The following ABCA9 variants were observed in gnomAD, a reference collection of about 807,000 sequenced individuals.
ABCA9 encodes ATP-binding cassette sub-family A member 9.
A neutral mutation model predicts 205.3 loss-of-function variants in ABCA9; 183 were observed. That is an observed-to-expected ratio of 0.89 (90% CI 0.79 to 1.01). ABCA9 has a LOEUF of 1.01. Ranked by LOEUF, ABCA9 falls within the 50% of genes least tolerant of loss-of-function variation. The pLI, the probability that ABCA9 is intolerant of heterozygous loss-of-function variation, is 0.00. For missense variants in ABCA9, 1,805 were observed against 1,912.4 expected, an observed-to-expected ratio of 0.94 and a Z score of 1.05; for synonymous variants, 651 against 683.3, an observed-to-expected ratio of 0.95 and a Z score of 0.74.
chr17:69,068,037 ATTTGT>A, the ABCA9 span, among the ~76,000 whole-genome samples: 37 of 152,190 alleles, frequency 2.4e-4, no homozygotes, highest in Non-Finnish European at 4.4e-4. Context: ...TTCTTTCTGT[ATTTGT>A]TTTAAGATGT....
intron 1 of ABCA9, among the ~76,000 whole-genome samples, chr17:69,055,564 T>C (rs907999131): frequency 6.6e-6 from 1 of 152,180 alleles, no homozygotes; most frequent in African/African-American, 2.4e-5. Context: ...CTCTTATAGT[T>C]GGAGACTTCA....
chr17:69,009,023 G>A (rs925563472), intron 23 of ABCA9, among the ~76,000 whole-genome samples: 1 of 152,202 alleles, frequency 6.6e-6, no homozygotes, highest in Admixed American at 6.5e-5. Context: ...GTAGGAAAGA[G>A]GATGATAGTG....
chr17:69,027,582 T>A, intron 13 of ABCA9, 58 bp downstream of exon 13: 1 of 1,583,138 alleles, frequency 6.3e-7, no homozygotes, highest in Admixed American at 1.9e-5. Flanking sequence ...TAGCACAATA[T>A]TTTCTAGATA....
At chr17:69,040,206 G>T (rs1316967672) in intron 6 of ABCA9, among the ~76,000 whole-genome samples, 2 of 152,146 alleles carry the variant, frequency 1.3e-5, no homozygotes, top group African/African-American at 4.8e-5. Context: ...CCATTACTGG[G>T]TATATACGCT....
intron 23 of ABCA9, among the ~76,000 whole-genome samples, chr17:69,010,335 C>CA (rs562552603): frequency 6.6e-6 from 1 of 151,810 alleles, no homozygotes; most frequent in Non-Finnish European, 1.5e-5. Context: ...ATCTGAATTA[C>CA]AAAAAAGCCA....
chr17:69,035,422 C>A lies in ABCA9; in HGVS notation c.952G>T (p.Ala318Ser). ...LLYGLSLITL[A>S]FLMSVLIKKP... is the part of the protein sequence containing the mutation. ...TTTATCAACACACTCATCAGGAAAG[C>A]TAAAGTTATCTGAGAAAAGAGAAAG... Residue 318 changes from alanine to serine, a missense_variant, in exon 8 of 39, where the codon GCT becomes TCT. By Grantham distance (99) the Ala-to-Ser change is moderately conservative. Transcript: ENST00000340001. The A allele has an allele frequency of 6.4e-7, 1 of 1,571,030 alleles. No homozygotes were observed.
intron 10 of ABCA9, 70 bp from the exon 11 acceptor site, chr17:69,029,297 G>T: frequency 1.0e-6 from 1 of 952,384 alleles, no homozygotes; most frequent in Non-Finnish European, 1.6e-6. Flanking sequence ...TCAAGTCTTT[G>T]AGGCTTAATC....
rs1269090975 is a variant in ABCA9, at chr17:68,989,086, C to A, written c.3988G>T (p.Ala1330Ser). ...EVIGLLGHNGAGKSTTIKMIT... is the reference protein window; with the variant it reads ...EVIGLLGHNGSGKSTTIKMIT... ...ATCTTAATAGTTGTACTTTTACCAG[C>A]TCCATTGTGTCCTAACAGTCCTATA... The change falls in exon 31 of 39, where the codon GCT becomes TCT. Residue 1330 changes from alanine to serine, a missense_variant. Ala to Ser is a moderately conservative substitution (Grantham distance 99). Transcript: ENST00000340001. 1 of 1,613,298 alleles carries A rather than the reference C, an allele frequency of 6.2e-7. No homozygotes were observed. The highest frequency in any genetic ancestry group is 1.1e-5 in the South Asian group (1 of 91,044).
At chr17:69,058,836 CAA>C (rs34009101) in intron 1 of ABCA9, among the ~76,000 whole-genome samples, 12 of 127,308 alleles carry the variant, frequency 9.4e-5, no homozygotes, top group African/African-American at 1.2e-4. Flanking sequence ...GAGACTGTCT[CAA>C]AAAAAAAAAA....
intron 19 of ABCA9, 63 bp from the exon 20 acceptor site, chr17:69,018,642 TG>T: frequency 8.0e-7 from 1 of 1,253,906 alleles, no homozygotes; most frequent in Non-Finnish European, 1.1e-6. Context: ...TTTTTAAGTT[TG>T]AAGGTATAAT....
rs2069188961 is a variant in ABCA9 at position 68,985,139 on chromosome 17, CAG to C, written c.4209-13_4209-12del. On this transcript the variant is annotated splice_polypyrimidine_tract_variant and intron_variant, in intron 32 of 38. Coordinates refer to ENST00000340001, the MANE Select transcript of ABCA9 (RefSeq NM_080283.4). ...AGCGCATCCACTAACCTGAAGAAAA[CAG>C]AGTCAATCCACATAATCCCAACACT... is the stretch of plus-strand genomic sequence containing the variant. 4 of 1,614,186 alleles carry C rather than the reference CAG, an allele frequency of 2.5e-6. No homozygotes were observed. The highest frequency in any genetic ancestry group is 2.2e-5 in the East Asian group (1 of 44,870).
Position 69,051,182 on chromosome 17 carries a change from A to G in ABCA9, c.-13-43T>C, listed in dbSNP as rs966185879. ...AAAAATGAAGTACATGTGAAGGTCT[A>G]AAGTAGAAAACATTGTGCAATCAAA... On this transcript the variant is annotated intron_variant, in intron 1 of 38. Coordinates refer to ENST00000340001, the MANE Select transcript of ABCA9 (RefSeq NM_080283.4). The G allele has an allele frequency of 7.1e-6, 11 of 1,554,698 alleles. No homozygotes were observed. The African/African-American group carries it at 1.1e-4, about 15-fold the overall frequency.
At chr17:69,046,673 A>C (rs1161441871) in intron 3 of ABCA9, among the ~76,000 whole-genome samples, 1 of 151,576 alleles carries the variant, frequency 6.6e-6, no homozygotes, top group East Asian at 1.9e-4. Context: ...TATTTTCCAT[A>C]ATAAGAACTC....
In ABCA9 at chr17:69,008,115, A is replaced by G. The variant is rs758819187; in HGVS notation, c.3268T>C (p.Tyr1090His). The stretch of plus-strand genomic sequence containing the variant: ...ATAATCTCCTCTGGGCTAAAAATAT[A>G]ATCCATTATTTGCATTAGCAGGAGG... ...LILLLMQIMD[Y>H]IFSPEEIIFI... is the part of the protein sequence containing the mutation. Residue 1090 changes from tyrosine to histidine, a missense_variant, in exon 24 of 39, where the codon TAT becomes CAT. By Grantham distance (83) the Tyr-to-His change is moderately conservative (BLOSUM62 2). Coordinates refer to ENST00000340001, the MANE Select transcript of ABCA9 (RefSeq NM_080283.4). 41 of 1,613,112 alleles carry G rather than the reference A, an allele frequency of 2.5e-5. 1 individual carries two copies. In the South Asian group the frequency reaches 4.4e-4, roughly 17 times the overall value.
Position 69,036,992 on chromosome 17 carries a change from A to T in ABCA9, c.801-1191T>A, listed in dbSNP as rs192172860. Among the ~76,000 whole-genome samples the T allele has an allele frequency of 2.4e-3, 362 of 152,028 alleles. 2 individuals carry two copies. Among genetic ancestry groups the T allele is most frequent in the African/African-American group, 7.9e-3 (328 of 41,468 alleles). The stretch of plus-strand genomic sequence containing the variant: ...AAGGCCATTACATAATGGTAAAGGG[A>T]TCAATGCAACAAGAAGAGATAAGTA... On this transcript the variant is annotated intron_variant, in intron 6 of 38. Coordinates refer to ENST00000340001, the MANE Select transcript of ABCA9 (RefSeq NM_080283.4).
chr17:69,062,844 G>A (rs1374278259), upstream of ABCA9, among the ~76,000 whole-genome samples: 3 of 152,128 alleles, frequency 2.0e-5, no homozygotes, highest in Non-Finnish European at 4.4e-5. Flanking sequence ...TTTTGAATCA[G>A]TTTACCAATT....
At chr17:69,071,898 T>A in the ABCA9 span, among the ~76,000 whole-genome samples, 3 of 152,114 alleles carry the variant, frequency 2.0e-5, no homozygotes, top group Non-Finnish European at 4.4e-5. Flanking sequence ...GAGAAGAACA[T>A]AAATGACCTG....
At chr17:69,078,773 G>T in the ABCA9 span, 1 of 393,186 alleles carries the variant, frequency 2.5e-6, no homozygotes. Context: ...CTAATATTTT[G>T]TATTGCCTTT....
upstream of ABCA9, chr17:69,060,959 A>C (rs1420776310): frequency 1.2e-5 from 12 of 985,292 alleles, 1 homozygote; most frequent in Admixed American, 2.5e-4. Context: ...TTGGGTCACT[A>C]CTACATCATG....
Sources: gnomAD v4.1 joint callset for allele counts (sites outside exome capture counted in the v4.1 genomes callset) on GRCh38, gnomAD v4.1.1 for gene constraint, MANE v1.5 for transcripts, NCBI Gene and HGNC (gene_info 2026-07-23, HGNC 2026-07-21) for gene names.